The following PSMD1 variants were observed in gnomAD, a reference collection of about 807,000 sequenced individuals.
PSMD1 encodes the protein proteasome 26S subunit, non-ATPase 1, also known as 26S proteasome non-ATPase regulatory subunit 1.
PSMD1 carries 18 observed loss-of-function variants against 119.0 expected under a neutral mutation model. The ratio of observed to expected loss-of-function variants is 0.15; its 90% confidence interval spans 0.10 to 0.22. PSMD1 has a LOEUF of 0.22. Among genes scored for constraint, PSMD1 ranks in the 10% least tolerant of loss-of-function variants. PSMD1 has a pLI of 1.00. For synonymous variants in PSMD1, 374 were observed against 396.6 expected, an observed-to-expected ratio of 0.94 and a Z score of 0.68; for missense variants, 702 against 1,158.5, an observed-to-expected ratio of 0.61 and a Z score of 5.72.
rs148619706 is a variant in PSMD1, at chr2:231,073,257, A to G, written c.881+842A>G. 2.0e-5 allele frequency among the ~76,000 whole-genome samples: 3 copies of G among 152,334 alleles called. No homozygotes were observed. In the East Asian group the frequency reaches 5.8e-4, roughly 29 times the overall value. On this transcript the variant is annotated intron_variant, in intron 7 of 24. Coordinates refer to ENST00000308696, the MANE Select transcript of PSMD1 (RefSeq NM_002807.4). ...CTGATGACAGATTACCATAACAGATATAACGATAATTAAAAAGTTTTAAAT... is the reference window on the plus strand; with the variant it reads ...CTGATGACAGATTACCATAACAGATGTAACGATAATTAAAAAGTTTTAAAT...
intron 24 of PSMD1, among the ~76,000 whole-genome samples, chr2:231,171,363 T>C (rs1383812937): frequency 6.6e-6 from 1 of 152,164 alleles, no homozygotes; most frequent in Non-Finnish European, 1.5e-5. Context: ...GATCATTTAC[T>C]ATATCAGTGT....
At position 231,130,598 on chromosome 2, in the gene PSMD1, C is replaced by T. The variant is rs566643811; in HGVS notation, c.1884-8138C>T. ...TGATCCTCCCAAGTAGCTGAGACTA[C>T]AGGCATGCACCTCCATCCCCGGCTA... On this transcript the variant is annotated intron_variant, in intron 16 of 24. Coordinates refer to ENST00000308696, the MANE Select transcript of PSMD1 (RefSeq NM_002807.4). Among the ~76,000 whole-genome samples the T allele has an allele frequency of 2.6e-5, 4 of 152,258 alleles. No individual in the cohort carries two copies. In the East Asian group the frequency reaches 5.8e-4, roughly 22 times the overall value.
At position 231,085,603 on chromosome 2, in the gene PSMD1, G is replaced by A. The variant is rs537271843; in HGVS notation, c.1818+489G>A. Among the ~76,000 whole-genome samples the A allele has an allele frequency of 2.2e-4, 33 of 152,288 alleles. 1 individual carries two copies. The South Asian group carries it at 5.6e-3, about 26-fold the overall frequency. ...TATGCCACCGCACTCTAGCCTGTGC[G>A]ACAGGGCAAGACCCTATCTCTAAAA... is the stretch of plus-strand genomic sequence containing the variant. On this transcript the variant is annotated intron_variant, in intron 15 of 24. Transcript: ENST00000308696.
intron 11 of PSMD1, 25 bp downstream of exon 11, chr2:231,079,639 C>T (rs1306439599): frequency 4.2e-6 from 6 of 1,431,196 alleles, no homozygotes; most frequent in Non-Finnish European, 5.7e-6. Flanking sequence ...TCAGTGTATA[C>T]AGGCATCAGA....
chr2:231,078,791 C>CTTTTTTTTTTTTTTTTTTT lies in PSMD1; in HGVS notation c.1160+50_1160+68dup, dbSNP rs748353083. On this transcript the variant is annotated intron_variant, in intron 10 of 24. Coordinates refer to ENST00000308696, the MANE Select transcript of PSMD1 (RefSeq NM_002807.4). Reference sequence around the variant, plus strand: ...TTTCACTTTGGTTCAAAATCTTTTTCTTTTTTTTTTTTTTTTTTTTTTTTG... The same window carrying CTTTTTTTTTTTTTTTTTTT: ...TTTCACTTTGGTTCAAAATCTTTTTCTTTTTTTTTTTTTTTTTTTTTTTTTTTTTTTTTTTTTTTTTTTG... The CTTTTTTTTTTTTTTTTTTT allele has an allele frequency of 1.3e-4, 43 of 342,862 alleles. 1 individual carries two copies. Among genetic ancestry groups the CTTTTTTTTTTTTTTTTTTT allele is most frequent in the African/African-American group, 4.6e-4 (11 of 23,996 alleles). The allele number at this position is 342,862 out of a possible 1,614,324, so 21.2% of individuals were successfully genotyped here. A position where few individuals can be genotyped will look rare whatever the true frequency, so the allele number is the denominator to read the frequency against.
intron 16 of PSMD1, chr2:231,133,573 T>A (rs896616242): frequency 3.3e-5 from 5 of 152,150 alleles, no homozygotes; most frequent in Admixed American, 3.3e-4. Flanking sequence ...ATGTGGAAAA[T>A]TTGATTGCAT....
chr2:231,105,239 C>G (rs1694949567), intron 16 of PSMD1, among the ~76,000 whole-genome samples: 1 of 152,044 alleles, frequency 6.6e-6, no homozygotes, highest in Non-Finnish European at 1.5e-5. Context: ...GATAACTATT[C>G]TTGCTTAATT....
chr2:231,097,371 T>C (rs1300677778), intron 16 of PSMD1, among the ~76,000 whole-genome samples: 1 of 152,226 alleles, frequency 6.6e-6, no homozygotes, highest in Non-Finnish European at 1.5e-5. Context: ...GGCTAACTCA[T>C]TGGATAGAGC....
At chr2:231,071,966 T>TA (rs768630082) in intron 6 of PSMD1, among the ~76,000 whole-genome samples, 8 of 152,210 alleles carry the variant, frequency 5.3e-5, no homozygotes, top group Non-Finnish European at 1.2e-4. Flanking sequence ...CATTAAGAGT[T>TA]ATAAATATAA....
intron 16 of PSMD1, among the ~76,000 whole-genome samples, chr2:231,095,333 C>T (rs1694698744): frequency 6.6e-6 from 1 of 152,110 alleles, no homozygotes; most frequent in Non-Finnish European, 1.5e-5. Flanking sequence ...TTTAATTTAA[C>T]CTTTTGAAGT....
chr2:231,113,951 C>A (rs1409302832), intron 16 of PSMD1: 6 of 1,600,868 alleles, frequency 3.7e-6, no homozygotes, highest in Non-Finnish European at 5.1e-6. Context: ...AAAAACAAGA[C>A]AAACATTTTA....
At chr2:231,060,843 G>T (rs1041274574) in intron 1 of PSMD1, among the ~76,000 whole-genome samples, 1 of 152,170 alleles carries the variant, frequency 6.6e-6, no homozygotes, top group Non-Finnish European at 1.5e-5. Flanking sequence ...TTCTAAAATT[G>T]TATAGGAAAG....
chr2:231,124,316 T>C (rs1159380814), intron 16 of PSMD1, among the ~76,000 whole-genome samples: 1 of 152,210 alleles, frequency 6.6e-6, no homozygotes, highest in East Asian at 1.9e-4. Flanking sequence ...ATTAATTTTT[T>C]CAATGGTTAT....
intron 18 of PSMD1, among the ~76,000 whole-genome samples, chr2:231,153,085 TCTTTA>T (rs1461008870): frequency 3.9e-5 from 6 of 152,172 alleles, no homozygotes; most frequent in African/African-American, 7.2e-5. Flanking sequence ...ATAATGGAAA[TCTTTA>T]CTTTATGTGA....
At chr2:231,075,412 A>T (rs2125165191) in intron 7 of PSMD1, 99 bp from the exon 8 acceptor site, 1 of 1,104,154 alleles carries the variant, frequency 9.1e-7, no homozygotes, top group Non-Finnish European at 1.3e-6. Context: ...AGTAAACATT[A>T]TTTTCTTGCA....
At chr2:231,119,315 ATT>A (rs1159835494) in intron 16 of PSMD1, among the ~76,000 whole-genome samples, 5 of 152,174 alleles carry the variant, frequency 3.3e-5, no homozygotes, top group African/African-American at 9.7e-5. Context: ...ACTAAATCAT[ATT>A]TAATTTGCAT....
chr2:231,094,392 A>G (rs1055564042), intron 16 of PSMD1, among the ~76,000 whole-genome samples: 16 of 152,256 alleles, frequency 1.1e-4, no homozygotes, highest in African/African-American at 3.8e-4. Context: ...GGGCTCCAAT[A>G]TGTGTGATTA....
intron 21 of PSMD1, among the ~76,000 whole-genome samples, chr2:231,164,045 A>T (rs1479233733): frequency 6.6e-6 from 1 of 152,118 alleles, no homozygotes; most frequent in Non-Finnish European, 1.5e-5. Flanking sequence ...TTTTATTTTT[A>T]AAACTTTCAA....
chr2:231,140,857 G>A (rs1169660878), intron 17 of PSMD1, among the ~76,000 whole-genome samples: 2 of 151,370 alleles, frequency 1.3e-5, no homozygotes, highest in Admixed American at 6.6e-5. Flanking sequence ...TAGCCTGGGG[G>A]ACAAGGGTGA....
Sources: gnomAD v4.1 joint callset for allele counts (sites outside exome capture counted in the v4.1 genomes callset) on GRCh38, gnomAD v4.1.1 for gene constraint, MANE v1.5 for transcripts, NCBI Gene and HGNC (gene_info 2026-07-23, HGNC 2026-07-21) for gene names.